BMPR1A: variants seen among roughly 807,000 people sequenced by gnomAD.
The protein encoded by BMPR1A is bone morphogenetic protein receptor type-1A.
In BMPR1A, 7 loss-of-function variants were observed where a neutral mutation model predicts 66.0. The ratio of observed to expected loss-of-function variants is 0.11; its 90% CI spans 0.06 to 0.20. The LOEUF is 0.20. Ranked by LOEUF, BMPR1A falls within the 10% of genes least tolerant of loss-of-function variation. BMPR1A has a pLI of 1.00. For synonymous variants in BMPR1A, 200 were observed against 229.7 expected (o/e 0.87, Z 1.17); for missense variants, 408 against 669.1 (o/e 0.61, Z 4.31).
At chr10:86,917,463 G>C (rs1424071855) in intron 9 of BMPR1A, 137 bp downstream of exon 9, 1 of 1,068,462 alleles carries the variant, frequency 9.4e-7, no homozygotes, top group Admixed American at 2.0e-5. Context: ...AGAATACACG[G>C]TTTGAATAAA....
At chr10:86,788,766 C>G (rs1346769341) in intron 1 of BMPR1A, among the ~76,000 whole-genome samples, 1 of 152,024 alleles carries the variant, frequency 6.6e-6, no homozygotes, top group Non-Finnish European at 1.5e-5. Context: ...TGCACCATGC[C>G]CGGCTTATTT....
intron 1 of BMPR1A, among the ~76,000 whole-genome samples, chr10:86,822,066 G>A (rs552482394): frequency 1.3e-5 from 2 of 152,182 alleles, no homozygotes; most frequent in South Asian, 2.1e-4. Flanking sequence ...GGGCTCAAGC[G>A]ATCCACCCAC....
intron 2 of BMPR1A, among the ~76,000 whole-genome samples, chr10:86,872,163 T>C (rs1395901648): frequency 6.6e-6 from 1 of 152,168 alleles, no homozygotes; most frequent in Non-Finnish European, 1.5e-5. Flanking sequence ...TTATCACAGC[T>C]TTTTTTGTCT....
intron 1 of BMPR1A, among the ~76,000 whole-genome samples, chr10:86,805,617 A>G (rs573553304): frequency 4.6e-5 from 7 of 151,996 alleles, no homozygotes; most frequent in African/African-American, 1.7e-4. Flanking sequence ...GCGTGCCACC[A>G]CGCTGGGCTA....
intron 2 of BMPR1A, among the ~76,000 whole-genome samples, chr10:86,853,322 G>C (rs2133193800): frequency 6.6e-6 from 1 of 151,028 alleles, no homozygotes; most frequent in East Asian, 1.9e-4. Flanking sequence ...GGCCTCTTCA[G>C]AGACTTCATT....
intron 5 of BMPR1A, among the ~76,000 whole-genome samples, chr10:86,897,513 A>G (rs1843241511): frequency 1.3e-5 from 2 of 152,222 alleles, no homozygotes; most frequent in Non-Finnish European, 2.9e-5. Flanking sequence ...ATGTCAAGCA[A>G]GAGGAAGGGA....
Position 86,876,100 on chromosome 10 carries a change from A to G in BMPR1A, c.67+15A>G, listed in dbSNP as rs1483213298. 2 of 1,597,242 alleles carry G rather than the reference A, an allele frequency of 1.3e-6. No individual in the cohort carries two copies. Among genetic ancestry groups the G allele is most frequent in the Non-Finnish European group, 1.7e-6 (2 of 1,165,148 alleles). ...TCGTGTTCAAGGTAAATCAGTGTTCATTTTAGTAATGTATGTGTGTATATA... is the reference window on the plus strand; with the variant it reads ...TCGTGTTCAAGGTAAATCAGTGTTCGTTTTAGTAATGTATGTGTGTATATA... On this transcript the variant is annotated intron_variant, in intron 3 of 12. Transcript: ENST00000372037.
chr10:86,912,765 C>T (rs1589288832), intron 8 of BMPR1A, among the ~76,000 whole-genome samples: 1 of 152,088 alleles, frequency 6.6e-6, no homozygotes, highest in Non-Finnish European at 1.5e-5. Context: ...TAAGTTTAAA[C>T]TGATTGATTG....
At chr10:86,873,280 C>T (rs1056722989) in intron 2 of BMPR1A, among the ~76,000 whole-genome samples, 1 of 152,030 alleles carries the variant, frequency 6.6e-6, no homozygotes, top group African/African-American at 2.4e-5. Flanking sequence ...AACACTGGGT[C>T]GGTAATACGT....
chr10:86,849,294 A>G (rs565588593), intron 2 of BMPR1A, among the ~76,000 whole-genome samples: 1 of 152,308 alleles, frequency 6.6e-6, no homozygotes, highest in South Asian at 2.1e-4. Context: ...TATCTTTACC[A>G]TGCTTTTCTG....
chr10:86,898,510 TTAG>T (rs986295874), intron 5 of BMPR1A, among the ~76,000 whole-genome samples: 8 of 152,180 alleles, frequency 5.3e-5, no homozygotes, highest in African/African-American at 7.2e-5. Flanking sequence ...CGTTTCCCAC[TTAG>T]TAGTGTTTGA....
intron 1 of BMPR1A, among the ~76,000 whole-genome samples, chr10:86,808,510 T>C (rs559178110): frequency 6.7e-4 from 102 of 152,340 alleles, no homozygotes; most frequent in African/African-American, 2.4e-3. Context: ...ACTTATTTCA[T>C]GTAACGTCAA....
At chr10:86,832,779 C>T (rs1430782747) in intron 1 of BMPR1A, among the ~76,000 whole-genome samples, 1 of 152,082 alleles carries the variant, frequency 6.6e-6, no homozygotes, top group East Asian at 1.9e-4. Flanking sequence ...AATGATATTC[C>T]ATTCTGTGGT....
At chr10:86,813,406 G>A (rs1841995241) in intron 1 of BMPR1A, among the ~76,000 whole-genome samples, 1 of 152,174 alleles carries the variant, frequency 6.6e-6, no homozygotes, top group Non-Finnish European at 1.5e-5. Context: ...TGCCAGGACT[G>A]TTGGGGTGTT....
At chr10:86,836,840 G>A (rs981681452) in intron 1 of BMPR1A, among the ~76,000 whole-genome samples, 6 of 152,140 alleles carry the variant, frequency 3.9e-5, no homozygotes, top group East Asian at 3.8e-4. Context: ...GGCTGAGGCC[G>A]GAGGATTATT....
chr10:86,900,213 A>G lies in BMPR1A; in HGVS notation c.530+87A>G. On this transcript the variant is annotated intron_variant, in intron 7 of 12. Transcript: ENST00000372037. ...TGTAAAGCCAGTTGCAGAAACCATT[A>G]ACTTGTATTCTCTGGTTGTATATCT... 35 of 1,293,766 alleles carry G rather than the reference A, an allele frequency of 2.7e-5. 2 individuals carry two copies. The South Asian group carries it at 3.9e-4, about 14-fold the overall frequency. The allele number at this position is 1,293,766 out of a possible 1,614,324, so 80.1% of individuals were successfully genotyped here. A position where few individuals can be genotyped will look rare whatever the true frequency, so the allele number is the denominator to read the frequency against.
chr10:86,904,946 T>C (rs1371829313), intron 7 of BMPR1A, among the ~76,000 whole-genome samples: 1 of 152,182 alleles, frequency 6.6e-6, no homozygotes, highest in Admixed American at 6.5e-5. Context: ...ATATATACAA[T>C]CTGTAATTTG....
chr10:86,872,534 G>T (rs772451479), intron 2 of BMPR1A, among the ~76,000 whole-genome samples: 1 of 151,938 alleles, frequency 6.6e-6, no homozygotes, highest in Non-Finnish European at 1.5e-5. Flanking sequence ...AAATAAGTTG[G>T]TTGATGGTTT....
chr10:86,909,586 C>CAA lies in BMPR1A; in HGVS notation c.531-2643_531-2642dup, dbSNP rs776483639. ...GGGCGACAAGAGTGAGACCCTATCTCAAAAAAAAAAAAGAAAAAAAAGAAA... is the reference window on the plus strand; with the variant it reads ...GGGCGACAAGAGTGAGACCCTATCTCAAAAAAAAAAAAAAGAAAAAAAAGAAA... On this transcript the variant is annotated intron_variant, in intron 7 of 12. Transcript: ENST00000372037. 3.6e-3 allele frequency among the ~76,000 whole-genome samples: 392 copies of CAA among 110,310 alleles called. 3 individuals carry two copies. The highest frequency in any genetic ancestry group is 0.012 in the African/African-American group (366 of 30,742). 72.4% of individuals were successfully genotyped at this position (110,310 alleles called of 152,430 possible).
Sources: gnomAD v4.1 joint callset for allele counts (sites outside exome capture counted in the v4.1 genomes callset) on GRCh38, gnomAD v4.1.1 for gene constraint, MANE v1.5 for transcripts, NCBI Gene and HGNC (gene_info 2026-07-23, HGNC 2026-07-21) for gene names.